The following KDM5B variants were observed in gnomAD, a reference collection of about 807,000 sequenced individuals.
KDM5B encodes the protein lysine-specific demethylase 5B.
In KDM5B, 144 loss-of-function variants were observed where a neutral mutation model predicts 193.4. That is an observed-to-expected ratio of 0.74 (90% CI 0.65 to 0.86). The LOEUF (loss-of-function observed/expected upper bound fraction) is 0.86. Among genes scored for constraint, KDM5B ranks in the 40% least tolerant of loss-of-function variants. KDM5B has a pLI of 0.00. For missense variants in KDM5B, 1,833 were observed against 1,886.9 expected (o/e 0.97, Z 0.53); for synonymous variants, 668 against 682.6 (o/e 0.98, Z 0.33).
chr1:202,751,240 A>G (rs993736776), intron 12 of KDM5B, among the ~76,000 whole-genome samples: 1 of 152,060 alleles, frequency 6.6e-6, no homozygotes, highest in East Asian at 1.9e-4. Flanking sequence ...AAGTACCTAT[A>G]TTGCTCTAGG....
chr1:202,793,421 C>A (rs887782483), intron 1 of KDM5B, among the ~76,000 whole-genome samples: 1 of 152,156 alleles, frequency 6.6e-6, no homozygotes, highest in Non-Finnish European at 1.5e-5. Context: ...ACCTGCACAG[C>A]CTAAGTTCAA....
chr1:202,729,834 T>C lies in KDM5B; in HGVS notation c.4370A>G (p.Tyr1457Cys). 1.2e-6 allele frequency: 2 copies of C among 1,614,172 alleles called. No homozygotes were observed. The highest frequency in any genetic ancestry group is 4.5e-5 in the East Asian group (2 of 44,890). ...NNFKLERERS[Y>C]ELVRSAETHS... ...AGTTTCAGCAGAACGAACTAATTCA[T>C]AGCTACGCTCTCTCTCTAACTTGAA... Residue 1457 changes from tyrosine (Y) to cysteine (C), a missense_variant, in exon 26 of 27, where the codon TAT becomes TGT. This residue lies in a region of KDM5B where 1,379 missense variants were observed against 1,349.6 expected (regional missense o/e 1.02). Transcript: ENST00000367265.
Position 202,777,240 on chromosome 1 carries a change from T to C in KDM5B, c.205-146A>G, listed in dbSNP as rs78739988. The stretch of plus-strand genomic sequence containing the variant: ...CACAGAGTAGTGGTTTCTCAACCTT[T>C]TGTCCATGAGAGCAGCAAAATATGT... On this transcript the variant is annotated intron_variant, in intron 1 of 26. Coordinates refer to ENST00000367265, the MANE Select transcript of KDM5B (RefSeq NM_006618.5). 4,245 of 620,232 alleles carry C rather than the reference T, an allele frequency of 6.8e-3. 119 individuals are homozygous for C. Among genetic ancestry groups the C allele is most frequent in the African/African-American group, 0.067 (3,640 of 54,152 alleles). The allele number at this position is 620,232 out of a possible 1,614,324, so 38.4% of individuals were successfully genotyped here. A position where few individuals can be genotyped will look rare whatever the true frequency, so the allele number is the denominator to read the frequency against.
intron 1 of KDM5B, among the ~76,000 whole-genome samples, chr1:202,788,618 C>T (rs1348272837): frequency 6.6e-6 from 1 of 152,066 alleles, no homozygotes; most frequent in Non-Finnish European, 1.5e-5. Context: ...AACAGGAAAG[C>T]ATTATTTCTT....
At chr1:202,770,757 C>T (rs1187842208) in intron 4 of KDM5B, among the ~76,000 whole-genome samples, 2 of 152,098 alleles carry the variant, frequency 1.3e-5, no homozygotes, top group African/African-American at 2.4e-5. Context: ...TAAAAATAGC[C>T]GTGAGAGAAG....
intron 1 of KDM5B, among the ~76,000 whole-genome samples, chr1:202,785,909 TAAAA>T (rs535467100): frequency 0.047 from 6,330 of 134,154 alleles, 173 homozygotes; most frequent in Non-Finnish European, 0.069. Flanking sequence ...GACTCCCAAT[TAAAA>T]AAAAAAAAAA....
At chr1:202,730,857 C>G in intron 25 of KDM5B, 52 bp downstream of exon 25, 1 of 1,514,382 alleles carries the variant, frequency 6.6e-7, no homozygotes. Context: ...TAAAATAAAG[C>G]ATACCCCCAC....
intron 1 of KDM5B, among the ~76,000 whole-genome samples, chr1:202,803,822 T>A (rs1483641142): frequency 6.7e-6 from 1 of 149,518 alleles, no homozygotes; most frequent in Non-Finnish European, 1.5e-5. Flanking sequence ...AAACTCCATC[T>A]CAAAAAAAAA....
intron 1 of KDM5B, among the ~76,000 whole-genome samples, chr1:202,793,664 A>G (rs1320922188): frequency 3.3e-5 from 5 of 152,210 alleles, no homozygotes; most frequent in East Asian, 1.9e-4. Context: ...CAAAATCTCT[A>G]TTCTCTTGAA....
At chr1:202,735,999 A>C (rs759109416) in intron 21 of KDM5B, among the ~76,000 whole-genome samples, 12 of 152,170 alleles carry the variant, frequency 7.9e-5, no homozygotes, top group Non-Finnish European at 1.5e-4. Context: ...AATAGGAAAA[A>C]ATTTTCTTCT....
chr1:202,805,051 C>A (rs1658238032), intron 1 of KDM5B, among the ~76,000 whole-genome samples: 1 of 152,100 alleles, frequency 6.6e-6, no homozygotes. Flanking sequence ...TTACTCATCT[C>A]CAAATACCAC....
At chr1:202,768,540 C>T (rs1233010668) in intron 4 of KDM5B, among the ~76,000 whole-genome samples, 1 of 152,036 alleles carries the variant, frequency 6.6e-6, no homozygotes, top group Admixed American at 6.6e-5. Flanking sequence ...TACAAAGCAA[C>T]ACAATGATAA....
Position 202,741,404 on chromosome 1 carries a change from G to A in KDM5B, c.2908C>T (p.His970Tyr). Residue 970 changes from histidine to tyrosine, a missense_variant, in exon 19 of 27, where the codon CAC (histidine) becomes TAC (tyrosine). Around this residue, in one of 3 missense-constraint regions of KDM5B, gnomAD observed 1,379 missense variants for 1,349.6 expected, o/e 1.02. Transcript: ENST00000367265. ...AGACTCTTGGCTTTGTCGTCCCAGT[G>A]CTCTGACACTGTGAGCAGTTCCTGC... is the stretch of plus-strand genomic sequence containing the variant. ...RLQELLTVSEHWDDKAKSLLK... is the reference protein window; with the variant it reads ...RLQELLTVSEYWDDKAKSLLK... The A allele has an allele frequency of 6.3e-7, 1 of 1,581,740 alleles. No individual in the cohort carries two copies. Among genetic ancestry groups the A allele is most frequent in the Non-Finnish European group, 8.6e-7 (1 of 1,163,568 alleles).
intron 1 of KDM5B, among the ~76,000 whole-genome samples, chr1:202,783,314 G>A (rs1423827843): frequency 4.6e-5 from 7 of 151,130 alleles, no homozygotes; most frequent in African/African-American, 7.3e-5. Flanking sequence ...GCCCAGACTC[G>A]GAAACATATT....
intron 1 of KDM5B, among the ~76,000 whole-genome samples, chr1:202,790,229 C>T (rs759392091): frequency 2.6e-5 from 4 of 151,198 alleles, no homozygotes; most frequent in Non-Finnish European, 4.4e-5. Context: ...CGCCACTGCA[C>T]CCAAGCCTTG....
chr1:202,738,747 A>T (rs1655190209), intron 20 of KDM5B, among the ~76,000 whole-genome samples: 1 of 152,200 alleles, frequency 6.6e-6, no homozygotes, highest in African/African-American at 2.4e-5. Context: ...ATAAGAGATA[A>T]GGGAAGACAT....
chr1:202,760,493 A>G lies in KDM5B; in HGVS notation c.999T>C (p.Ser333=), dbSNP rs145759381. The G allele has an allele frequency of 9.7e-5, 156 of 1,613,540 alleles. No homozygotes were observed. Among genetic ancestry groups the G allele is most frequent in the South Asian group, 3.7e-4 (34 of 91,024 alleles). Residue 333 remains serine (S), a synonymous_variant, in exon 8 of 27, where the codon AGT becomes AGC. Transcript: ENST00000367265. ...RLLLCDGCDD[S]YHTFCLIPPL... ...GTGGGATCAAGCAAAAGGTATGGTA[A>G]CTGTCATCACAGCCATCACACAACA...
chr1:202,731,751 A>T, intron 24 of KDM5B, 77 bp downstream of exon 24: 1 of 1,075,392 alleles, frequency 9.3e-7, no homozygotes, highest in Non-Finnish European at 1.4e-6. Context: ...ATGGTACTTG[A>T]TCATCTATAA....
At position 202,736,335 on chromosome 1, in the gene KDM5B, A is replaced by T. The variant is rs1357348453; in HGVS notation, c.3142T>A (p.Ser1048Thr). ...AAAGAATTCAGATGTACGGGGATAG[A>T]TCGGCCTCGTGTAACAAGTTCTATG... ...TLIELVTRGR[S>T]IPVHLNSLPR... The change falls in exon 21 of 27, where the codon TCT becomes ACT. Residue 1048 changes from serine (S) to threonine (T), a missense_variant. Ser to Thr is a moderately conservative substitution (Grantham distance 58). Around this residue, in one of 3 missense-constraint regions of KDM5B, gnomAD observed 1,379 missense variants for 1,349.6 expected, o/e 1.02. Coordinates refer to ENST00000367265, the MANE Select transcript of KDM5B (RefSeq NM_006618.5). 1.2e-6 allele frequency: 2 copies of T among 1,612,232 alleles called. No homozygotes were observed. Among genetic ancestry groups the T allele is most frequent in the Non-Finnish European group, 1.7e-6 (2 of 1,179,082 alleles).
Sources: gnomAD v4.1 joint callset for allele counts (sites outside exome capture counted in the v4.1 genomes callset) on GRCh38, gnomAD v4.1.1 for gene constraint, gnomAD v4.1.1 regional missense constraint, MANE v1.5 for transcripts, NCBI Gene and HGNC (gene_info 2026-07-23, HGNC 2026-07-21) for gene names.